Variants in FGF12 observed in about 807,000 individuals in gnomAD.
The protein encoded by FGF12 is fibroblast growth factor 12B.
Under a neutral mutation model 23.6 loss-of-function variants are expected in FGF12, and 14 were observed. The ratio of observed to expected loss-of-function variants is 0.59; its 90% CI spans 0.39 to 0.93. The LOEUF (loss-of-function observed/expected upper bound fraction) is 0.93, where lower values mean the gene tolerates loss of function less well. Ranked by LOEUF, FGF12 falls within the 40% of genes least tolerant of loss-of-function variation. The pLI, the probability that FGF12 is intolerant of heterozygous loss-of-function variation, is 0.00. For synonymous variants in FGF12, 62 were observed against 77.3 expected (o/e 0.80, Z 1.04); for missense variants, 175 against 217.8 (o/e 0.80, Z 1.24).
chr3:192,183,924 T>C (rs1409060020), intron 4 of FGF12, among the ~76,000 whole-genome samples: 1 of 152,148 alleles, frequency 6.6e-6, no homozygotes, highest in East Asian at 1.9e-4. Flanking sequence ...AATGATTAGC[T>C]AAAATAGACT....
intron 2 of FGF12, among the ~76,000 whole-genome samples, chr3:192,372,514 C>T (rs1295076600): frequency 2.0e-5 from 3 of 152,094 alleles, no homozygotes; most frequent in Non-Finnish European, 4.4e-5. Flanking sequence ...AGAACACATC[C>T]ATCAGCCTTG....
chr3:192,711,386 G>A (rs964902692), intron 2 of FGF12, among the ~76,000 whole-genome samples: 19 of 148,378 alleles, frequency 1.3e-4, no homozygotes, highest in African/African-American at 2.2e-4. Context: ...GCCTCTGCCC[G>A]GCCGCCCCTT....
At chr3:192,200,556 A>G (rs1288333514) in intron 4 of FGF12, among the ~76,000 whole-genome samples, 1 of 152,130 alleles carries the variant, frequency 6.6e-6, no homozygotes, top group Non-Finnish European at 1.5e-5. Flanking sequence ...TTTCCCCCAT[A>G]TGTGTACACT....
chr3:192,423,563 C>G (rs1289006779), intron 2 of FGF12, among the ~76,000 whole-genome samples: 2 of 152,084 alleles, frequency 1.3e-5, no homozygotes, highest in Non-Finnish European at 2.9e-5. Context: ...GATATGGAAT[C>G]ACCACATACA....
chr3:192,300,583 T>C (rs1050619437), intron 4 of FGF12, among the ~76,000 whole-genome samples: 3 of 152,148 alleles, frequency 2.0e-5, no homozygotes, highest in Non-Finnish European at 4.4e-5. Flanking sequence ...GAGTTGTAGA[T>C]AATTATATTT....
chr3:192,507,128 G>A (rs1425321164), intron 2 of FGF12, among the ~76,000 whole-genome samples: 3 of 151,974 alleles, frequency 2.0e-5, no homozygotes, highest in East Asian at 1.9e-4. Context: ...TCCTGACCTC[G>A]TGATCTGCCC....
chr3:192,576,499 TA>T lies in FGF12; in HGVS notation c.13+150681del, dbSNP rs536825466. ...TAAGAAAAGGAAGTATTGTGTGACT[TA>T]AAGTAAAGAGTAATGTCTTAGAAAG... On this transcript the variant is annotated intron_variant, in intron 2 of 5. Transcript: ENST00000445105. Among the ~76,000 whole-genome samples the T allele has an allele frequency of 1.4e-3, 215 of 152,256 alleles. 1 individual carries two copies. Among genetic ancestry groups the T allele is most frequent in the Middle Eastern group, 3.4e-3 (1 of 294 alleles).
At chr3:192,295,001 A>G (rs1714953337) in intron 4 of FGF12, among the ~76,000 whole-genome samples, 1 of 152,194 alleles carries the variant, frequency 6.6e-6, no homozygotes. Flanking sequence ...TATCCTACCA[A>G]TCAAAGACAG....
chr3:192,248,727 C>T (rs778762007), intron 4 of FGF12, among the ~76,000 whole-genome samples: 22 of 152,048 alleles, frequency 1.4e-4, no homozygotes, highest in South Asian at 8.3e-4. Flanking sequence ...CAGCAGTGAG[C>T]GGTGATTACA....
intron 4 of FGF12, among the ~76,000 whole-genome samples, chr3:192,186,038 T>C (rs531653604): frequency 6.6e-6 from 1 of 152,340 alleles, no homozygotes; most frequent in South Asian, 2.1e-4. Context: ...ACAGGTATGA[T>C]TCAACCTCCT....
At chr3:192,161,711 T>C (rs1399397223) in intron 5 of FGF12, among the ~76,000 whole-genome samples, 1 of 152,150 alleles carries the variant, frequency 6.6e-6, no homozygotes, top group Non-Finnish European at 1.5e-5. Flanking sequence ...AAGGATTTAG[T>C]GGCTATTAAA....
At chr3:192,703,044 T>C (rs1167608159) in intron 2 of FGF12, among the ~76,000 whole-genome samples, 1 of 152,210 alleles carries the variant, frequency 6.6e-6, no homozygotes, top group African/African-American at 2.4e-5. Flanking sequence ...AAACGGTACA[T>C]AAGAAACACT....
intron 4 of FGF12, among the ~76,000 whole-genome samples, chr3:192,269,165 TTGTCC>T (rs3071839): frequency 0.43 from 64,619 of 151,534 alleles, 14,607 homozygotes; most frequent in East Asian, 0.94. Flanking sequence ...TCCACCAGCC[TTGTCC>T]TGTCCTCTCA....
chr3:192,479,573 A>G (rs759947011), intron 2 of FGF12, among the ~76,000 whole-genome samples: 1 of 152,190 alleles, frequency 6.6e-6, no homozygotes, highest in East Asian at 1.9e-4. Flanking sequence ...ACCAAAATAA[A>G]GAGAGATTCC....
rs1721078692 is a variant in FGF12, at chr3:192,408,864, C to G, written c.14-48326G>C. 9 of 985,448 alleles carry G rather than the reference C, an allele frequency of 9.1e-6. No homozygotes were observed. In the South Asian group the frequency reaches 3.8e-4, roughly 41 times the overall value. The allele number at this position is 985,448 out of a possible 1,614,324, so 61.0% of individuals were successfully genotyped here. On this transcript the variant is annotated intron_variant, in intron 2 of 5. Transcript: ENST00000445105. The surrounding 1 kb of genome is among the most constrained non-coding windows in gnomAD (Gnocchi z 7.3). Reference sequence around the variant, plus strand: ...CCCGCGGTTCTGAAGATTAGGAGGTCCGTCCCAGCAGGGTGAGGTCTACAG... The same window carrying G: ...CCCGCGGTTCTGAAGATTAGGAGGTGCGTCCCAGCAGGGTGAGGTCTACAG...
rs559109632 is a variant in FGF12 at position 192,376,992 on chromosome 3, G to C, written c.14-16454C>G. 5.9e-5 allele frequency among the ~76,000 whole-genome samples: 9 copies of C among 152,276 alleles called. No individual in the cohort carries two copies. The East Asian group carries it at 1.5e-3, about 26-fold the overall frequency. On this transcript the variant is annotated intron_variant, in intron 2 of 5. Transcript: ENST00000445105. The stretch of plus-strand genomic sequence containing the variant: ...AGTATTTCACGGATTTCCCCAGCTA[G>C]AGAGAAGTTCTTACGTTAACTTCTC...
intron 5 of FGF12, among the ~76,000 whole-genome samples, chr3:192,154,433 A>T (rs1375580862): frequency 8.6e-6 from 1 of 116,010 alleles, no homozygotes. Flanking sequence ...TTTTTTCCCC[A>T]TTTTTGTGGT....
chr3:192,340,178 C>A (rs986353527), intron 3 of FGF12, among the ~76,000 whole-genome samples: 3 of 152,020 alleles, frequency 2.0e-5, no homozygotes, highest in African/African-American at 7.2e-5. Context: ...ACACTGAAAT[C>A]CCTGACATGC....
At chr3:192,387,672 C>A (rs946307076) in intron 2 of FGF12, among the ~76,000 whole-genome samples, 83 of 151,108 alleles carry the variant, frequency 5.5e-4, no homozygotes, top group African/African-American at 2.0e-3. Context: ...TATGGCAAAA[C>A]CCCATCTCTA....
Sources: gnomAD v4.1 joint callset for allele counts (sites outside exome capture counted in the v4.1 genomes callset) on GRCh38, gnomAD v4.1.1 for gene constraint, Gnocchi (gnomAD v3.1) non-coding constraint, MANE v1.5 for transcripts, NCBI Gene and HGNC (gene_info 2026-07-23, HGNC 2026-07-21) for gene names.